TMPRSS15: variants seen among roughly 807,000 people sequenced by gnomAD.
TMPRSS15 encodes enteropeptidase.
A neutral mutation model predicts 125.3 loss-of-function variants in TMPRSS15; 128 were observed. The ratio of observed to expected loss-of-function variants is 1.02; its 90% CI spans 0.89 to 1.18. The LOEUF is 1.18. TMPRSS15 is among the 50% of genes most tolerant of loss of function. The pLI, the probability that TMPRSS15 is intolerant of heterozygous loss-of-function variation, is 0.00. For missense variants in TMPRSS15, 1,283 were observed against 1,212.7 expected, an observed-to-expected ratio of 1.06 and a Z score of -0.86; for synonymous variants, 446 against 423.2, an observed-to-expected ratio of 1.05 and a Z score of -0.66.
intron 6 of TMPRSS15, 93 bp downstream of exon 6, chr21:18,372,100 G>GTA (rs2075797252): frequency 2.0e-6 from 1 of 498,152 alleles, no homozygotes; most frequent in East Asian, 5.8e-5. Flanking sequence ...AGATTAGAAT[G>GTA]TGTGTGTGTG....
intron 1 of TMPRSS15, among the ~76,000 whole-genome samples, chr21:18,461,998 T>A (rs2122910750): frequency 7.9e-5 from 12 of 152,190 alleles, no homozygotes; most frequent in Non-Finnish European, 1.6e-4. Flanking sequence ...AATTTTATTG[T>A]ATTCTTCACG....
At chr21:18,440,905 G>A (rs964995959) in intron 1 of TMPRSS15, among the ~76,000 whole-genome samples, 4 of 152,082 alleles carry the variant, frequency 2.6e-5, no homozygotes, top group Non-Finnish European at 4.4e-5. Context: ...TAATTACTTC[G>A]ATGTTACAGA....
Position 18,332,072 on chromosome 21 carries a change from G to C in TMPRSS15, c.1654+12C>G. On this transcript the variant is annotated intron_variant, in intron 14 of 24. Transcript: ENST00000284885. ...CATTTGTTTCTGATGACCTGGAAAAGAAATGACTCACAGAAAGCCAGATTA... is the reference window on the plus strand; with the variant it reads ...CATTTGTTTCTGATGACCTGGAAAACAAATGACTCACAGAAAGCCAGATTA... 1 of 1,608,788 alleles carries C rather than the reference G, an allele frequency of 6.2e-7. No individual in the cohort carries two copies. The highest frequency in any genetic ancestry group is 8.5e-7 in the Non-Finnish European group (1 of 1,175,222).
At chr21:18,344,206 G>A (rs528121988) in intron 10 of TMPRSS15, 146 bp from the exon 11 acceptor site, 9 of 718,904 alleles carry the variant, frequency 1.3e-5, no homozygotes, top group East Asian at 1.1e-4. Context: ...CACTAGACTC[G>A]AGCTCAGAAA....
At chr21:18,405,760 G>A (rs2076149685), upstream of TMPRSS15, among the ~76,000 whole-genome samples, 1 of 152,032 alleles carries the variant, frequency 6.6e-6, no homozygotes, top group Admixed American at 6.6e-5. Flanking sequence ...GGTGGATTAA[G>A]CATATATAAA....
Position 18,269,844 on chromosome 21 carries a change from G to T in TMPRSS15, c.*125C>A. ...TTCCCTGGCCCCCTAGCATTTCATTGACATAGGTAAGAATAAAAACCTTTG... is the reference window on the plus strand; with the variant it reads ...TTCCCTGGCCCCCTAGCATTTCATTTACATAGGTAAGAATAAAAACCTTTG... On this transcript the variant is annotated 3_prime_UTR_variant, in exon 25 of 25. Transcript: ENST00000284885. 1 of 1,207,908 alleles carries T rather than the reference G, an allele frequency of 8.3e-7. No individual in the cohort carries two copies. The highest frequency in any genetic ancestry group is 1.2e-6 in the Non-Finnish European group (1 of 855,822). The allele number at this position is 1,207,908 out of a possible 1,614,324, so 74.8% of individuals were successfully genotyped here. A position where few individuals can be genotyped will look rare whatever the true frequency, so the allele number is the denominator to read the frequency against.
intron 18 of TMPRSS15, among the ~76,000 whole-genome samples, chr21:18,312,170 G>T (rs1411163480): frequency 2.0e-5 from 3 of 152,044 alleles, no homozygotes; most frequent in Admixed American, 2.0e-4. Context: ...GTGGGTTAGA[G>T]TTGCCAGGTT....
chr21:18,330,028 AG>A (rs1434907338), intron 14 of TMPRSS15, among the ~76,000 whole-genome samples: 3 of 152,282 alleles, frequency 2.0e-5, no homozygotes, highest in South Asian at 2.1e-4. Flanking sequence ...CATGTTCTAA[AG>A]AAAAAGCAGA....
At chr21:18,361,130 G>A (rs1293368269) in intron 7 of TMPRSS15, among the ~76,000 whole-genome samples, 1 of 152,018 alleles carries the variant, frequency 6.6e-6, no homozygotes, top group African/African-American at 2.4e-5. Context: ...AGTGTGACAG[G>A]TTCATCAGAA....
intron 16 of TMPRSS15, among the ~76,000 whole-genome samples, chr21:18,318,515 C>T (rs2075197883): frequency 6.6e-6 from 1 of 152,138 alleles, no homozygotes; most frequent in Non-Finnish European, 1.5e-5. Flanking sequence ...ACAATATTTC[C>T]ACCCTCCTCT....
intron 1 of TMPRSS15, among the ~76,000 whole-genome samples, chr21:18,413,312 T>TTTCCTTCCTTCCTTCCTTCCTTCCTTCC (rs749971208): frequency 2.1e-5 from 2 of 94,796 alleles, no homozygotes; most frequent in Non-Finnish European, 4.3e-5. Flanking sequence ...TTTTCTTTCT[T>TTTCCTTCCTTCCTTCCTTCCTTCCTTCC]TTCCTTCCTT....
At chr21:18,282,276 G>C (rs1272196850) in intron 21 of TMPRSS15, among the ~76,000 whole-genome samples, 4 of 152,078 alleles carry the variant, frequency 2.6e-5, no homozygotes, top group African/African-American at 9.7e-5. Flanking sequence ...TAATTTGAAA[G>C]TGTGCAAGGA....
chr21:18,295,968 C>T (rs553915859), intron 19 of TMPRSS15, among the ~76,000 whole-genome samples: 3 of 152,114 alleles, frequency 2.0e-5, no homozygotes, highest in East Asian at 3.9e-4. Flanking sequence ...CTGGCTAACA[C>T]GGTGAAACCC....
chr21:18,368,399 G>A, intron 6 of TMPRSS15, among the ~76,000 whole-genome samples: 1 of 152,228 alleles, frequency 6.6e-6, no homozygotes, highest in African/African-American at 2.4e-5. Context: ...ATGTGACTGA[G>A]TTGGCCGATG....
chr21:18,402,844 G>A (rs1381425475), intron 1 of TMPRSS15, among the ~76,000 whole-genome samples: 2 of 152,102 alleles, frequency 1.3e-5, no homozygotes, highest in African/African-American at 4.8e-5. Context: ...TTCATATGTT[G>A]TAGCTACACA....
At chr21:18,302,486 C>T (rs1206326918) in intron 18 of TMPRSS15, among the ~76,000 whole-genome samples, 1 of 152,194 alleles carries the variant, frequency 6.6e-6, no homozygotes, top group Non-Finnish European at 1.5e-5. Context: ...TAACAATACA[C>T]CTAGCACACA....
chr21:18,383,141 AG>A (rs2075908994), intron 4 of TMPRSS15, among the ~76,000 whole-genome samples: 2 of 152,082 alleles, frequency 1.3e-5, no homozygotes, highest in African/African-American at 4.8e-5. Flanking sequence ...AACGGTGCAA[AG>A]AATGCGTAAG....
intron 10 of TMPRSS15, among the ~76,000 whole-genome samples, chr21:18,352,285 C>A (rs928190708): frequency 6.6e-6 from 1 of 152,000 alleles, no homozygotes; most frequent in Admixed American, 6.6e-5. Flanking sequence ...ATTCTAATAT[C>A]TCATTCAGAT....
rs1453956606 is a variant in TMPRSS15 at position 18,269,973 on chromosome 21, T to C, written c.3056A>G (p.His1019Arg). The C allele has an allele frequency of 3.7e-6, 6 of 1,613,822 alleles. No homozygotes were observed. The highest frequency in any genetic ancestry group is 2.2e-5 in the East Asian group (1 of 44,854). ...RFTEWIQSFL[H>R] ...CTGTTTAGTTTAAGAAATGCGCTAA[T>C]GTAGAAAACTTTGTATCCATTCGGT... The change falls in exon 25 of 25, where the codon CAT (histidine) becomes CGT (arginine). Residue 1019 changes from histidine to arginine, a missense_variant. By Grantham distance (29) the His-to-Arg change is conservative (BLOSUM62 0). Transcript: ENST00000284885.
Sources: allele counts gnomAD v4.1 joint callset (sites outside exome capture counted in the v4.1 genomes callset), GRCh38; gene constraint gnomAD v4.1.1; transcripts MANE v1.5; gene names NCBI Gene and HGNC (gene_info 2026-07-23, HGNC 2026-07-21).